Variants in THSD4 observed in about 807,000 individuals in gnomAD.
THSD4 encodes thrombospondin type-1 domain-containing protein 4.
A neutral mutation model predicts 119.0 loss-of-function variants in THSD4; 69 were observed. That is an observed-to-expected ratio of 0.58 (90% CI 0.48 to 0.71). The LOEUF is 0.71. Among genes scored for constraint, THSD4 ranks in the 30% least tolerant of loss-of-function variants. The pLI is 0.00. For synonymous variants in THSD4, 524 were observed against 540.4 expected, an observed-to-expected ratio of 0.97 and a Z score of 0.42; for missense variants, 1,393 against 1,391.1, an observed-to-expected ratio of 1.00 and a Z score of -0.02.
At chr15:71,751,439 C>T (rs2053446674) in intron 14 of THSD4, among the ~76,000 whole-genome samples, 1 of 152,106 alleles carries the variant, frequency 6.6e-6, no homozygotes, top group Non-Finnish European at 1.5e-5. Context: ...TTTTTCTTCT[C>T]ATACATACTT....
At chr15:71,578,852 T>TTTC (rs1465656594) in intron 7 of THSD4, among the ~76,000 whole-genome samples, 1 of 150,700 alleles carries the variant, frequency 6.6e-6, no homozygotes, top group Non-Finnish European at 1.5e-5. Context: ...AACTTTTTTT[T>TTTC]TTTTTTTTTG....
chr15:71,647,379 C>T (rs1243217385), intron 7 of THSD4, among the ~76,000 whole-genome samples: 6 of 152,092 alleles, frequency 3.9e-5, no homozygotes, highest in South Asian at 2.1e-4. Flanking sequence ...GACAGATAAC[C>T]CTGTTCTTAG....
chr15:71,375,340 T>C (rs1377283868), intron 6 of THSD4, among the ~76,000 whole-genome samples: 5 of 152,162 alleles, frequency 3.3e-5, no homozygotes, highest in African/African-American at 1.2e-4. Context: ...TCAACCTCAT[T>C]GGTGCTTTCC....
At chr15:71,274,994 T>C (rs970558274) in intron 6 of THSD4, among the ~76,000 whole-genome samples, 10 of 152,192 alleles carry the variant, frequency 6.6e-5, no homozygotes, top group South Asian at 2.1e-4. Flanking sequence ...CCGATCCTAT[T>C]GTTTCTCTCT....
Position 71,662,549 on chromosome 15 carries a change from C to T in THSD4, c.1357+1815C>T, listed in dbSNP as rs755481588. Among the ~76,000 whole-genome samples the T allele has an allele frequency of 3.3e-5, 5 of 152,212 alleles. 1 individual carries two copies. The East Asian group carries it at 9.7e-4, about 29-fold the overall frequency. On this transcript the variant is annotated intron_variant, in intron 8 of 17. Transcript: ENST00000261862. ...GAATTGTGATTGTGTTCAGATGTAC[C>T]GGCAAACAATGCCACTTTTTATTAG...
intron 6 of THSD4, among the ~76,000 whole-genome samples, chr15:71,272,500 A>G (rs930537767): frequency 3.9e-5 from 6 of 151,986 alleles, no homozygotes; most frequent in South Asian, 2.1e-4. Context: ...GCCAACAGGT[A>G]TATGTTAAAA....
At chr15:71,132,790 A>C (rs1024617114) in intron 1 of THSD4, among the ~76,000 whole-genome samples, 6 of 152,268 alleles carry the variant, frequency 3.9e-5, no homozygotes, top group African/African-American at 1.4e-4. Context: ...TCCTTCCCCA[A>C]CACACGTATG....
In THSD4 at chr15:71,334,886, C is replaced by T. The variant is rs139052660; in HGVS notation, c.1016-76801C>T. Among the ~76,000 whole-genome samples the T allele has an allele frequency of 1.1e-3, 175 of 152,264 alleles. 2 individuals carry two copies. The Middle Eastern group carries it at 0.024, about 21-fold the overall frequency. On this transcript the variant is annotated intron_variant, in intron 6 of 17. Transcript: ENST00000261862. Reference sequence around the variant, plus strand: ...GTCTATCTGGGACAAAGGGGGAATCCGTTACAAAATCTGCTTCTTTTTGAA... The same window carrying T: ...GTCTATCTGGGACAAAGGGGGAATCTGTTACAAAATCTGCTTCTTTTTGAA...
intron 16 of THSD4, among the ~76,000 whole-genome samples, chr15:71,770,206 C>T (rs1335061001): frequency 7.8e-6 from 1 of 127,876 alleles, no homozygotes; most frequent in Non-Finnish European, 1.6e-5. Context: ...TGAGATTGCA[C>T]TATTGCACTC....
intron 14 of THSD4, among the ~76,000 whole-genome samples, chr15:71,750,229 A>G (rs2053422896): frequency 6.6e-6 from 1 of 152,208 alleles, no homozygotes; most frequent in African/African-American, 2.4e-5. Flanking sequence ...CTCAGACTCA[A>G]AGAAGGACCC....
At chr15:71,547,176 G>T in intron 7 of THSD4, 1 of 1,314,828 alleles carries the variant, frequency 7.6e-7, no homozygotes, top group Non-Finnish European at 9.7e-7. Context: ...GCTGGCTCCT[G>T]TCCCCTCCCC....
At chr15:71,457,485 C>T (rs188943156) in intron 7 of THSD4, among the ~76,000 whole-genome samples, 68 of 151,964 alleles carry the variant, frequency 4.5e-4, no homozygotes, top group African/African-American at 1.6e-3. Context: ...AAATGCCGTC[C>T]AGTCTCCTTG....
intron 7 of THSD4, among the ~76,000 whole-genome samples, chr15:71,453,611 C>T (rs748192858): frequency 6.6e-6 from 1 of 152,228 alleles, no homozygotes; most frequent in Non-Finnish European, 1.5e-5. Context: ...CTGTGAATTT[C>T]AGTGTCCAAA....
chr15:71,260,952 A>T (rs2044389917), intron 6 of THSD4, among the ~76,000 whole-genome samples: 1 of 152,024 alleles, frequency 6.6e-6, no homozygotes, highest in African/African-American at 2.4e-5. Context: ...AATAGAAAAA[A>T]TTACCTGGGT....
chr15:71,220,434 C>G (rs1375151492), intron 4 of THSD4, among the ~76,000 whole-genome samples: 1 of 152,182 alleles, frequency 6.6e-6, no homozygotes, highest in African/African-American at 2.4e-5. Context: ...GGAGCTCTCC[C>G]AAGGATTCCG....
intron 6 of THSD4, among the ~76,000 whole-genome samples, chr15:71,292,301 C>T (rs1247051987): frequency 2.0e-5 from 3 of 152,062 alleles, no homozygotes; most frequent in African/African-American, 7.2e-5. Flanking sequence ...TTTGAATATC[C>T]ATTGTCTCCT....
rs2043919774 is a variant in THSD4, at chr15:71,215,078, G to A, written c.143G>A (p.Gly48Asp). ...GCGGAGGGCGCCCCCGAGGACGACG[G>A]CGGCGGCGGCGCCCCGGGAGTGTGG... The part of the protein sequence containing the change: ...MAAEGAPEDD[G>D]GGGAPGVWGA... The change falls in exon 4 of 18, where the codon GGC (glycine) becomes GAC (aspartate). Residue 48 changes from glycine (G) to aspartate (D), a missense_variant. Physicochemically the swap from Gly to Asp is moderately conservative, Grantham distance 94. Coordinates refer to ENST00000261862, the MANE Select transcript of THSD4 (RefSeq NM_024817.3). 5.4e-6 allele frequency: 7 copies of A among 1,299,062 alleles called. No homozygotes were observed. Among genetic ancestry groups the A allele is most frequent in the South Asian group, 2.5e-5 (1 of 39,626 alleles). The allele number at this position is 1,299,062 out of a possible 1,614,324, so 80.5% of individuals were successfully genotyped here. A position where few individuals can be genotyped will look rare whatever the true frequency, so the allele number is the denominator to read the frequency against.
rs567967490 is a variant in THSD4, at chr15:71,546,865, G to C, written c.1153-113665G>C. On this transcript the variant is annotated intron_variant, in intron 7 of 17. Coordinates refer to ENST00000261862, the MANE Select transcript of THSD4 (RefSeq NM_024817.3). ...AGTCATTCACCCAACCTTTGTATAA[G>C]TGAGAAAAATAAACTGCAGCCCAGA... Among the ~76,000 whole-genome samples the C allele has an allele frequency of 9.2e-5, 14 of 152,320 alleles. No individual in the cohort carries two copies. The South Asian group carries it at 2.5e-3, about 27-fold the overall frequency.
chr15:71,215,077 G>A lies in THSD4; in HGVS notation c.142G>A (p.Gly48Ser), dbSNP rs1214285152. ...GGCGGAGGGCGCCCCCGAGGACGACGGCGGCGGCGGCGCCCCGGGAGTGTG... is the reference window on the plus strand; with the variant it reads ...GGCGGAGGGCGCCCCCGAGGACGACAGCGGCGGCGGCGCCCCGGGAGTGTG... ...MAAEGAPEDD[G>S]GGGAPGVWGA... The change falls in exon 4 of 18, where the codon GGC becomes AGC. Residue 48 changes from glycine to serine, a missense_variant. Gly to Ser is a moderately conservative substitution (Grantham distance 56). Coordinates refer to ENST00000261862, the MANE Select transcript of THSD4 (RefSeq NM_024817.3). 1.5e-5 allele frequency: 19 copies of A among 1,300,180 alleles called. No individual in the cohort carries two copies. Among genetic ancestry groups the A allele is most frequent in the Non-Finnish European group, 1.8e-5 (18 of 1,022,776 alleles). 80.5% of individuals were successfully genotyped at this position (1,300,180 alleles called of 1,614,324 possible).
Sources: gnomAD v4.1 joint callset for allele counts (sites outside exome capture counted in the v4.1 genomes callset) on GRCh38, gnomAD v4.1.1 for gene constraint, MANE v1.5 for transcripts, NCBI Gene and HGNC (gene_info 2026-07-23, HGNC 2026-07-21) for gene names.